The following ST6GALNAC3 variants were observed in gnomAD, a reference collection of about 807,000 sequenced individuals.
The protein encoded by ST6GALNAC3 is ST6 N-acetylgalactosaminide alpha-2,6-sialyltransferase 3, also known as alpha-N-acetylgalactosaminide alpha-2,6-sialyltransferase 3.
Under a neutral mutation model 32.7 loss-of-function variants are expected in ST6GALNAC3, and 25 were observed. The ratio of observed to expected loss-of-function variants is 0.76; its 90% CI spans 0.56 to 1.07. The LOEUF is 1.07. Ranked by LOEUF, ST6GALNAC3 falls within the 50% of genes least tolerant of loss-of-function variation. The pLI is 0.00. For synonymous variants in ST6GALNAC3, 129 were observed against 133.1 expected, an observed-to-expected ratio of 0.97 and a Z score of 0.21; for missense variants, 355 against 382.4, an observed-to-expected ratio of 0.93 and a Z score of 0.60.
intron 1 of ST6GALNAC3, among the ~76,000 whole-genome samples, chr1:76,085,582 C>T (rs932409966): frequency 1.3e-5 from 2 of 152,194 alleles, no homozygotes; most frequent in Non-Finnish European, 2.9e-5. Flanking sequence ...GACCTCAGTG[C>T]TGGAAAACTT....
intron 1 of ST6GALNAC3, among the ~76,000 whole-genome samples, chr1:76,303,032 T>C (rs1046082625): frequency 8.2e-6 from 1 of 121,656 alleles, no homozygotes; most frequent in Non-Finnish European, 1.9e-5. Context: ...AATGAAGTGG[T>C]GGTCTGCAAC....
intron 1 of ST6GALNAC3, among the ~76,000 whole-genome samples, chr1:76,156,794 C>G (rs755107508): frequency 6.4e-4 from 98 of 152,288 alleles, no homozygotes; most frequent in East Asian, 3.9e-3. Flanking sequence ...TACAGTGGCG[C>G]GATCTTGGCT....
At chr1:76,422,915 C>T (rs1281579597) in intron 3 of ST6GALNAC3, among the ~76,000 whole-genome samples, 1 of 151,984 alleles carries the variant, frequency 6.6e-6, no homozygotes, top group Non-Finnish European at 1.5e-5. Context: ...TTATTCTTCA[C>T]TTTCTTAAGA....
At chr1:76,259,993 C>T (rs1000065480) in intron 1 of ST6GALNAC3, among the ~76,000 whole-genome samples, 6 of 151,992 alleles carry the variant, frequency 3.9e-5, no homozygotes, top group South Asian at 4.2e-4. Flanking sequence ...CTTTCTTCTT[C>T]TTCTTTTTCT....
At chr1:76,510,091 G>C (rs989932532) in intron 3 of ST6GALNAC3, among the ~76,000 whole-genome samples, 8 of 152,180 alleles carry the variant, frequency 5.3e-5, no homozygotes, top group Non-Finnish European at 7.3e-5. Context: ...GTAGGGCACA[G>C]TTAAAACATA....
chr1:76,614,718 CAAAAAAAAAAAAAAAAAAAA>C (rs55744575), intron 3 of ST6GALNAC3, among the ~76,000 whole-genome samples: 6 of 67,534 alleles, frequency 8.9e-5, no homozygotes, highest in South Asian at 6.1e-4. Flanking sequence ...GACTCCATCT[CAAAAAAAAAAAAAAAAAAAA>C]AAAAAAAAAA....
chr1:76,637,076 G>A (rs1001732658), downstream of ST6GALNAC3: 4 of 152,138 alleles, frequency 2.6e-5, no homozygotes, highest in Non-Finnish European at 4.4e-5. Context: ...CAAAAGTGTT[G>A]ACTAATACGA....
At position 76,503,054 on chromosome 1, in the gene ST6GALNAC3, C is replaced by G. The variant is rs553254049; in HGVS notation, c.623+90637C>G. 4.6e-5 allele frequency among the ~76,000 whole-genome samples: 7 copies of G among 152,246 alleles called. No individual in the cohort carries two copies. The East Asian group carries it at 1.4e-3, about 29-fold the overall frequency. On this transcript the variant is annotated intron_variant, in intron 3 of 4. Coordinates refer to ENST00000328299, the MANE Select transcript of ST6GALNAC3 (RefSeq NM_152996.4). ...AAATTAAGAGTTGTACGCTAAATAA[C>G]CTGAAACGGAACTTACAAGTTGGGT...
At chr1:76,217,980 G>A (rs1468371514) in intron 1 of ST6GALNAC3, among the ~76,000 whole-genome samples, 2 of 151,914 alleles carry the variant, frequency 1.3e-5, no homozygotes, top group African/African-American at 4.8e-5. Context: ...ATAAACATGC[G>A]TGTGCAATTT....
chr1:76,112,894 T>C (rs1475867696), intron 1 of ST6GALNAC3, among the ~76,000 whole-genome samples: 3 of 139,232 alleles, frequency 2.2e-5, no homozygotes, highest in Non-Finnish European at 3.1e-5. Flanking sequence ...TCCCAGACGA[T>C]GGGCGGCCAG....
chr1:76,231,461 C>G (rs1570516902), intron 1 of ST6GALNAC3, among the ~76,000 whole-genome samples: 2 of 152,188 alleles, frequency 1.3e-5, no homozygotes. Context: ...TCTTGTAGAA[C>G]TGAAACTCTA....
At chr1:76,134,984 A>T (rs891205828) in intron 1 of ST6GALNAC3, among the ~76,000 whole-genome samples, 1 of 152,076 alleles carries the variant, frequency 6.6e-6, no homozygotes, top group African/African-American at 2.4e-5. Flanking sequence ...CTCTACTAAA[A>T]ATACAAAATT....
intron 3 of ST6GALNAC3, among the ~76,000 whole-genome samples, chr1:76,587,440 A>G (rs1258790192): frequency 6.6e-6 from 1 of 152,184 alleles, no homozygotes; most frequent in African/African-American, 2.4e-5. Flanking sequence ...GCTGACGGGC[A>G]AAGTTCTCTA....
intron 1 of ST6GALNAC3, among the ~76,000 whole-genome samples, chr1:76,204,689 G>A (rs1654723986): frequency 6.6e-6 from 1 of 152,082 alleles, no homozygotes; most frequent in Non-Finnish European, 1.5e-5. Context: ...TTTTTCTATG[G>A]GATGTGGGGA....
intron 2 of ST6GALNAC3, among the ~76,000 whole-genome samples, chr1:76,329,743 CAAAT>C (rs1647151129): frequency 6.6e-6 from 1 of 152,170 alleles, no homozygotes; most frequent in African/African-American, 2.4e-5. Context: ...TTTCATGTAA[CAAAT>C]AATCTTGTGG....
chr1:76,454,907 C>T (rs1469247929), intron 3 of ST6GALNAC3, among the ~76,000 whole-genome samples: 2 of 143,800 alleles, frequency 1.4e-5, no homozygotes, highest in Non-Finnish European at 3.1e-5. Context: ...GAATTATTTA[C>T]TTGATAATTT....
At chr1:76,635,096 A>G (rs1649472862), downstream of ST6GALNAC3, among the ~76,000 whole-genome samples, 1 of 152,122 alleles carries the variant, frequency 6.6e-6, no homozygotes. Flanking sequence ...GCTGACATAT[A>G]TTTCTTTTTT....
chr1:76,248,184 TGGAAATGCAGG>T (rs1657416412), intron 1 of ST6GALNAC3, among the ~76,000 whole-genome samples: 1 of 152,088 alleles, frequency 6.6e-6, no homozygotes, highest in Non-Finnish European at 1.5e-5. Flanking sequence ...GTACCTCAAC[TGGAAATGCAGG>T]AATCACCCTC....
intron 1 of ST6GALNAC3, among the ~76,000 whole-genome samples, chr1:76,175,364 A>G (rs1652785126): frequency 6.6e-6 from 1 of 152,028 alleles, no homozygotes; most frequent in South Asian, 2.1e-4. Flanking sequence ...ATAGGAATAT[A>G]TTTTCATGTT....
Sources: gnomAD v4.1 joint callset for allele counts (sites outside exome capture counted in the v4.1 genomes callset) on GRCh38, gnomAD v4.1.1 for gene constraint, MANE v1.5 for transcripts, NCBI Gene and HGNC (gene_info 2026-07-23, HGNC 2026-07-21) for gene names.